Variants in DIP2C observed in about 807,000 individuals in gnomAD.
DIP2C encodes DIP2 acetate--CoA ligase C (putative), also known as disco-interacting protein 2 homolog C.
In DIP2C, 33 loss-of-function variants were observed where a neutral mutation model predicts 192.4. That is an observed-to-expected ratio of 0.17 (90% CI 0.13 to 0.23). The LOEUF is 0.23. Among genes scored for constraint, DIP2C ranks in the 10% least tolerant of loss-of-function variants. DIP2C has a pLI of 1.00. For synonymous variants in DIP2C, 979 were observed against 864.1 expected (o/e 1.13, Z -2.33); for missense variants, 1,537 against 2,110.1 (o/e 0.73, Z 5.32).
chr10:403,642 G>A (rs1964578140), intron 9 of DIP2C, among the ~76,000 whole-genome samples: 1 of 129,954 alleles, frequency 7.7e-6, no homozygotes, highest in African/African-American at 2.9e-5. Context: ...TCTTCCTTAT[G>A]GACAAGTTTG....
intron 1 of DIP2C, chr10:650,398 A>T (rs1401360667): frequency 2.8e-6 from 2 of 716,158 alleles, no homozygotes; most frequent in Admixed American, 4.0e-5. Context: ...CACACGCCCC[A>T]GACCAACACG....
chr10:405,458 A>G (rs995057156), intron 9 of DIP2C, among the ~76,000 whole-genome samples: 23 of 152,378 alleles, frequency 1.5e-4, no homozygotes, highest in African/African-American at 5.0e-4. Context: ...ATGGATAGAA[A>G]AGGGTAAAAT....
intron 1 of DIP2C, among the ~76,000 whole-genome samples, chr10:587,123 C>T (rs892771732): frequency 6.6e-6 from 1 of 150,730 alleles, no homozygotes; most frequent in African/African-American, 2.4e-5. Flanking sequence ...TGGCGAGGGG[C>T]AAACAGTGCA....
At chr10:280,859 G>T (rs1020540905) in intron 36 of DIP2C, among the ~76,000 whole-genome samples, 18 of 152,172 alleles carry the variant, frequency 1.2e-4, no homozygotes, top group Admixed American at 2.0e-4. Context: ...AGTCATAAAA[G>T]TATTTTCTGT....
intron 1 of DIP2C, among the ~76,000 whole-genome samples, chr10:522,188 G>A (rs565968818): frequency 6.6e-6 from 1 of 152,250 alleles, no homozygotes; most frequent in South Asian, 2.1e-4. Context: ...ACAGCAGGCA[G>A]CCTTCCCAGA....
intron 1 of DIP2C, among the ~76,000 whole-genome samples, chr10:645,694 G>A (rs1227781089): frequency 6.6e-6 from 1 of 152,166 alleles, no homozygotes; most frequent in African/African-American, 2.4e-5. Flanking sequence ...CCCATCCTAT[G>A]AACGTGGTCT....
rs1031731755 is a variant in DIP2C, at chr10:282,132, A to G, written c.4295-809T>C. The G allele has an allele frequency of 7.3e-4, 113 of 155,842 alleles. 1 individual carries two copies. Among genetic ancestry groups the G allele is most frequent in the African/African-American group, 2.6e-3 (109 of 41,654 alleles). The allele number at this position is 155,842 out of a possible 1,614,324, so 9.7% of individuals were successfully genotyped here. ...GGGTGGTATGGCCGTAGACAGAGATAAGTATTTTCTAATTTAAATCAGACA... is the reference window on the plus strand; with the variant it reads ...GGGTGGTATGGCCGTAGACAGAGATGAGTATTTTCTAATTTAAATCAGACA... On this transcript the variant is annotated intron_variant, in intron 35 of 36. Coordinates refer to ENST00000280886, the MANE Select transcript of DIP2C (RefSeq NM_014974.3).
At chr10:603,178 A>C (rs1460943382) in intron 1 of DIP2C, among the ~76,000 whole-genome samples, 22 of 151,918 alleles carry the variant, frequency 1.4e-4, no homozygotes, top group Admixed American at 1.4e-3. Flanking sequence ...ACAGGAAAAT[A>C]AATCATGCAA....
rs183714993 is a variant in DIP2C, at chr10:519,278, G to C, written c.86-32748C>G. On this transcript the variant is annotated intron_variant, in intron 1 of 36. Transcript: ENST00000280886. Reference sequence around the variant, plus strand: ...GGAAGCTGTGAAGCTGCCAACAGCTGTAAGGGGACAGGGGAGCCCCTGGGA... The same window carrying C: ...GGAAGCTGTGAAGCTGCCAACAGCTCTAAGGGGACAGGGGAGCCCCTGGGA... Among the ~76,000 whole-genome samples the C allele has an allele frequency of 2.6e-5, 4 of 152,228 alleles. No individual in the cohort carries two copies. The South Asian group carries it at 6.2e-4, about 24-fold the overall frequency.
At chr10:670,921 G>A (rs922254093) in intron 1 of DIP2C, among the ~76,000 whole-genome samples, 2 of 152,236 alleles carry the variant, frequency 1.3e-5, no homozygotes, top group Non-Finnish European at 2.9e-5. Flanking sequence ...CATGTAGAGA[G>A]AAATGACCAC....
intron 1 of DIP2C, among the ~76,000 whole-genome samples, chr10:548,857 T>C (rs765861571): frequency 8.0e-6 from 1 of 125,686 alleles, no homozygotes; most frequent in Non-Finnish European, 1.6e-5. Context: ...GGTACAAATA[T>C]AGCACATTTC....
rs1442062927 is a variant in DIP2C at position 472,428 on chromosome 10, C to A, written c.268+11G>T. On this transcript the variant is annotated intron_variant, in intron 3 of 36. Coordinates refer to ENST00000280886, the MANE Select transcript of DIP2C (RefSeq NM_014974.3). ...AGATGGACGTATTGTATCACCCCAC[C>A]CCGTGCTTACCTGACCGATAGCGCT... The A allele has an allele frequency of 5.0e-6, 8 of 1,612,250 alleles. No individual in the cohort carries two copies. Among genetic ancestry groups the A allele is most frequent in the Non-Finnish European group, 5.1e-6 (6 of 1,178,486 alleles).
intron 1 of DIP2C, among the ~76,000 whole-genome samples, chr10:634,198 C>T (rs1005099720): frequency 6.6e-6 from 1 of 152,228 alleles, no homozygotes; most frequent in Non-Finnish European, 1.5e-5. Flanking sequence ...TGGGGCTCAG[C>T]GTCAACGCTG....
At chr10:621,638 G>T (rs1294911011) in intron 1 of DIP2C, among the ~76,000 whole-genome samples, 1 of 152,192 alleles carries the variant, frequency 6.6e-6, no homozygotes, top group Non-Finnish European at 1.5e-5. Context: ...TATCTCGGGG[G>T]AGACCCCTCG....
At chr10:556,561 C>T (rs1848884744) in intron 1 of DIP2C, among the ~76,000 whole-genome samples, 1 of 151,330 alleles carries the variant, frequency 6.6e-6, no homozygotes, top group Non-Finnish European at 1.5e-5. Flanking sequence ...CAGCTCCTCC[C>T]TCACAGACCC....
intron 1 of DIP2C, among the ~76,000 whole-genome samples, chr10:595,892 G>A (rs570189778): frequency 6.6e-6 from 1 of 152,334 alleles, no homozygotes; most frequent in East Asian, 1.9e-4. Flanking sequence ...TCTTGATAAA[G>A]GGATGGTTAA....
chr10:485,903 G>C (rs529770180), intron 2 of DIP2C, among the ~76,000 whole-genome samples: 9 of 152,306 alleles, frequency 5.9e-5, no homozygotes, highest in Non-Finnish European at 7.3e-5. Flanking sequence ...TCTTTTTCCT[G>C]ACATTTACAG....
chr10:679,748 C>T (rs946121898), intron 1 of DIP2C, among the ~76,000 whole-genome samples: 1 of 151,626 alleles, frequency 6.6e-6, no homozygotes, highest in Admixed American at 6.6e-5. Context: ...CATCTGTGCT[C>T]CCCATGCCCA....
rs1466516533 is a variant in DIP2C, at chr10:666,583, CG to C, written c.85+22910del. 6.7e-6 allele frequency: 1 copy of C among 148,800 alleles called. No homozygotes were observed. The highest frequency in any genetic ancestry group is 2.5e-5 in the African/African-American group (1 of 39,570). 9.2% of individuals were successfully genotyped at this position (148,800 alleles called of 1,614,324 possible). On this transcript the variant is annotated intron_variant, in intron 1 of 36. Transcript: ENST00000280886. This position sits in a 1 kb window ranked among gnomAD's most constrained non-coding sequence, Gnocchi z 4.1. ...ATAGAACTGGGGGTAAGCAAAGCCA[CG>C]AGGTCGGCCCGTGGCCTGTCTGCCC...
Sources: allele counts gnomAD v4.1 joint callset (sites outside exome capture counted in the v4.1 genomes callset), GRCh38; gene constraint gnomAD v4.1.1; non-coding constraint Gnocchi (gnomAD v3.1); transcripts MANE v1.5; gene names NCBI Gene and HGNC (gene_info 2026-07-23, HGNC 2026-07-21).